Variants in CDKAL1 observed in about 807,000 individuals in gnomAD.
CDKAL1 encodes the protein threonylcarbamoyladenosine tRNA methylthiotransferase.
CDKAL1 carries 32 observed loss-of-function variants against 68.2 expected under a neutral mutation model. The observed-to-expected ratio is 0.47, with a 90% CI of 0.35 to 0.63. The LOEUF is 0.63. CDKAL1 is among the 30% of genes least tolerant of loss of function. CDKAL1 has a pLI of 0.00. For synonymous variants in CDKAL1, 234 were observed against 244.3 expected (o/e 0.96, Z 0.39); for missense variants, 606 against 696.7 (o/e 0.87, Z 1.47).
At chr6:20,780,052 C>G (rs994297209) in intron 7 of CDKAL1, among the ~76,000 whole-genome samples, 2 of 142,714 alleles carry the variant, frequency 1.4e-5, no homozygotes, top group Non-Finnish European at 3.0e-5. Flanking sequence ...AGTTTGAAAT[C>G]AGCCTAGGCA....
At chr6:20,605,212 A>C (rs1766281178) in intron 4 of CDKAL1, among the ~76,000 whole-genome samples, 1 of 152,202 alleles carries the variant, frequency 6.6e-6, no homozygotes, top group Admixed American at 6.5e-5. Flanking sequence ...AGGTTAATAG[A>C]AAATAATACC....
At chr6:20,534,950 G>A (rs778127890) in intron 1 of CDKAL1, 11 of 152,184 alleles carry the variant, frequency 7.2e-5, no homozygotes, top group Non-Finnish European at 1.0e-4. Flanking sequence ...ATTGAGAAAA[G>A]CAGGTGTCTT....
At chr6:20,579,964 A>T (rs1214419174) in intron 4 of CDKAL1, among the ~76,000 whole-genome samples, 1 of 152,228 alleles carries the variant, frequency 6.6e-6, no homozygotes, top group African/African-American at 2.4e-5. Context: ...GCAGTAGAGC[A>T]CGTACCTTAA....
At chr6:20,857,434 G>A (rs1759393639) in intron 9 of CDKAL1, among the ~76,000 whole-genome samples, 1 of 152,192 alleles carries the variant, frequency 6.6e-6, no homozygotes, top group Admixed American at 6.5e-5. Context: ...TTAAGGAAGA[G>A]GAATGATGAT....
intron 11 of CDKAL1, among the ~76,000 whole-genome samples, chr6:21,026,408 G>A (rs1051857461): frequency 2.6e-5 from 4 of 151,990 alleles, no homozygotes; most frequent in Admixed American, 1.3e-4. Context: ...TTGGGAAAAC[G>A]GATTTTATCT....
intron 5 of CDKAL1, among the ~76,000 whole-genome samples, chr6:20,712,219 C>T (rs1771878205): frequency 6.6e-6 from 1 of 152,148 alleles, no homozygotes; most frequent in South Asian, 2.1e-4. Context: ...CAGAATACAA[C>T]AGTCTGTGCT....
intron 2 of CDKAL1, among the ~76,000 whole-genome samples, chr6:20,540,003 A>G (rs1487366918): frequency 6.6e-6 from 1 of 151,460 alleles, no homozygotes; most frequent in Non-Finnish European, 1.5e-5. Flanking sequence ...GATGTTGTTG[A>G]TTGATTGGAT....
At chr6:21,210,157 G>A (rs553863739) in intron 15 of CDKAL1, among the ~76,000 whole-genome samples, 46 of 152,276 alleles carry the variant, frequency 3.0e-4, no homozygotes, top group South Asian at 1.7e-3. Context: ...TTGAGCCAGC[G>A]CTGTGTCAAG....
intron 9 of CDKAL1, among the ~76,000 whole-genome samples, chr6:20,940,516 C>T (rs1348679468): frequency 6.6e-6 from 1 of 152,076 alleles, no homozygotes; most frequent in Non-Finnish European, 1.5e-5. Flanking sequence ...TACTTTAACT[C>T]GTTATATCCA....
chr6:21,184,112 A>G (rs1393387011), intron 13 of CDKAL1, among the ~76,000 whole-genome samples: 1 of 151,948 alleles, frequency 6.6e-6, no homozygotes, highest in Admixed American at 6.6e-5. Context: ...CCAGATTCCA[A>G]CCTGATTCTG....
Position 21,075,322 on chromosome 6 carries a change from A to G in CDKAL1, c.1236+10094A>G, listed in dbSNP as rs539573293. Reference sequence around the variant, plus strand: ...TACATAAATATTAGCATTAATATAAATAAATTTCAGTGTTTTAATCTATTA... The same window carrying G: ...TACATAAATATTAGCATTAATATAAGTAAATTTCAGTGTTTTAATCTATTA... On this transcript the variant is annotated intron_variant, in intron 12 of 15. Coordinates refer to ENST00000274695, the MANE Select transcript of CDKAL1 (RefSeq NM_017774.3). Among the ~76,000 whole-genome samples the G allele has an allele frequency of 6.1e-5, 9 of 146,896 alleles. No homozygotes were observed. In the South Asian group the frequency reaches 1.9e-3, roughly 31 times the overall value.
chr6:21,050,309 G>A (rs1561989919), intron 11 of CDKAL1, among the ~76,000 whole-genome samples: 1 of 152,194 alleles, frequency 6.6e-6, no homozygotes, highest in Admixed American at 6.5e-5. Context: ...GGGACCTCTG[G>A]CTGGCAACGC....
intron 10 of CDKAL1, among the ~76,000 whole-genome samples, chr6:20,972,802 A>G (rs1325695994): frequency 6.6e-6 from 1 of 152,200 alleles, no homozygotes; most frequent in African/African-American, 2.4e-5. Flanking sequence ...AGTCTTTGAC[A>G]TGGGCCTGGA....
At chr6:20,797,186 A>C (rs887806946) in intron 8 of CDKAL1, among the ~76,000 whole-genome samples, 1 of 152,236 alleles carries the variant, frequency 6.6e-6, no homozygotes, top group Admixed American at 6.5e-5. Flanking sequence ...CTAGGAAAAC[A>C]ACCAGATTAA....
In CDKAL1 at chr6:20,548,813, G is replaced by A; in HGVS notation, c.286+108G>A. 5.3e-6 allele frequency: 3 copies of A among 562,798 alleles called. No homozygotes were observed. In the East Asian group the frequency reaches 9.3e-5, roughly 17 times the overall value. The allele number at this position is 562,798 out of a possible 1,614,324, so 34.9% of individuals were successfully genotyped here. ...TATTTTAGCATGACAGTGATTTTAA[G>A]GTGAAACAGATAGTTATTACACATT... On this transcript the variant is annotated intron_variant, in intron 4 of 15. Coordinates refer to ENST00000274695, the MANE Select transcript of CDKAL1 (RefSeq NM_017774.3).
chr6:20,710,047 A>G (rs1771778037), intron 5 of CDKAL1, among the ~76,000 whole-genome samples: 1 of 152,290 alleles, frequency 6.6e-6, no homozygotes, highest in East Asian at 1.9e-4. Context: ...TAACCTTTAT[A>G]AATAAATTTC....
intron 8 of CDKAL1, among the ~76,000 whole-genome samples, chr6:20,837,744 T>TATTATAATAATAATA (rs371080778): frequency 1.3e-4 from 19 of 148,006 alleles, no homozygotes; most frequent in African/African-American, 4.4e-4. Context: ...CACTTCAGCA[T>TATTATAATAATAATA]ATAATAATAA....
chr6:20,940,359 A>C (rs1005291915), intron 9 of CDKAL1, among the ~76,000 whole-genome samples: 2 of 152,188 alleles, frequency 1.3e-5, no homozygotes, highest in Non-Finnish European at 2.9e-5. Context: ...ATTCATGTTA[A>C]TTCTTTTAGT....
At chr6:21,101,553 A>T (rs539872574) in intron 12 of CDKAL1, among the ~76,000 whole-genome samples, 2 of 152,014 alleles carry the variant, frequency 1.3e-5, no homozygotes, top group South Asian at 4.2e-4. Context: ...TGCCTCCCTC[A>T]CTCTACATTC....
Sources: allele counts gnomAD v4.1 joint callset (sites outside exome capture counted in the v4.1 genomes callset), GRCh38; gene constraint gnomAD v4.1.1; transcripts MANE v1.5; gene names NCBI Gene and HGNC (gene_info 2026-07-23, HGNC 2026-07-21).